The following NCOA2 variants were observed in gnomAD, a reference collection of about 807,000 sequenced individuals.
The protein encoded by NCOA2 is nuclear receptor coactivator 2, also known as class E basic helix-loop-helix protein 75.
Under a neutral mutation model 145.1 loss-of-function variants are expected in NCOA2, and 21 were observed. The observed-to-expected ratio is 0.14, with a 90% confidence interval of 0.10 to 0.21. NCOA2 has a LOEUF of 0.21. Ranked by LOEUF, NCOA2 falls within the 10% of genes least tolerant of loss-of-function variation. NCOA2 has a pLI of 1.00. For missense variants in NCOA2, 1,472 were observed against 1,837.6 expected, an observed-to-expected ratio of 0.80 and a Z score of 3.64; for synonymous variants, 619 against 637.5, an observed-to-expected ratio of 0.97 and a Z score of 0.44.
chr8:70,166,073 C>G (rs1171708973), intron 7 of NCOA2, among the ~76,000 whole-genome samples: 1 of 152,182 alleles, frequency 6.6e-6, no homozygotes, highest in Admixed American at 6.5e-5. Context: ...CCACCCGCCT[C>G]AGTCTCCCAA....
chr8:70,202,838 T>C (rs540993846), intron 4 of NCOA2, among the ~76,000 whole-genome samples: 2 of 152,316 alleles, frequency 1.3e-5, no homozygotes, highest in African/African-American at 2.4e-5. Context: ...TATGTGCTTA[T>C]TTACTACCCC....
chr8:70,320,741 AG>A (rs1319902586), intron 1 of NCOA2, among the ~76,000 whole-genome samples: 1 of 152,172 alleles, frequency 6.6e-6, no homozygotes, highest in Non-Finnish European at 1.5e-5. Context: ...GTTAAAAAAA[AG>A]GTTTTCTTGG....
Position 70,113,596 on chromosome 8 carries a change from C to T in NCOA2, c.*36G>A. 6.4e-7 allele frequency: 1 copy of T among 1,550,680 alleles called. No individual in the cohort carries two copies. The highest frequency in any genetic ancestry group is 8.7e-7 in the Non-Finnish European group (1 of 1,146,054). Reference sequence around the variant, plus strand: ...ACTGGAAGTGTTTTGAGCAAGTGAGCCCGGTCAGCTGAAGAAGCAACTGGC... The same window carrying T: ...ACTGGAAGTGTTTTGAGCAAGTGAGTCCGGTCAGCTGAAGAAGCAACTGGC... On this transcript the variant is annotated 3_prime_UTR_variant, in exon 23 of 23. Coordinates refer to ENST00000452400, the MANE Select transcript of NCOA2 (RefSeq NM_006540.4).
At chr8:70,391,497 G>A (rs529178126) in intron 1 of NCOA2, among the ~76,000 whole-genome samples, 19 of 152,316 alleles carry the variant, frequency 1.2e-4, no homozygotes, top group African/African-American at 4.6e-4. Context: ...GAAGGAACAT[G>A]CCATGAAAAG....
chr8:70,358,565 A>G (rs1271670871), intron 1 of NCOA2, among the ~76,000 whole-genome samples: 1 of 152,240 alleles, frequency 6.6e-6, no homozygotes, highest in African/African-American at 2.4e-5. Flanking sequence ...CATACAAAAA[A>G]ATGAAATTGA....
chr8:70,284,623 TA>T (rs1352545040), intron 2 of NCOA2, among the ~76,000 whole-genome samples: 1 of 152,194 alleles, frequency 6.6e-6, no homozygotes, highest in Non-Finnish European at 1.5e-5. Flanking sequence ...AATCTGTGGC[TA>T]ACTTAATGAG....
chr8:70,429,182 AG>A, the NCOA2 span, among the ~76,000 whole-genome samples: 5 of 152,248 alleles, frequency 3.3e-5, no homozygotes, highest in African/African-American at 1.2e-4. Context: ...ATACTATAAT[AG>A]GCCCCATTCT....
At chr8:70,160,830 C>T (rs1812903670) in intron 9 of NCOA2, among the ~76,000 whole-genome samples, 1 of 152,144 alleles carries the variant, frequency 6.6e-6, no homozygotes, top group South Asian at 2.1e-4. Context: ...AACTGTTGCA[C>T]AATGTTAGTC....
At chr8:70,220,395 G>A (rs1044388727) in intron 2 of NCOA2, among the ~76,000 whole-genome samples, 22 of 152,126 alleles carry the variant, frequency 1.4e-4, no homozygotes, top group Admixed American at 1.2e-3. Flanking sequence ...GTTGGGGGTT[G>A]TGAAAGGACA....
At chr8:70,289,158 C>T (rs1179906818) in intron 2 of NCOA2, among the ~76,000 whole-genome samples, 1 of 152,130 alleles carries the variant, frequency 6.6e-6, no homozygotes, top group Non-Finnish European at 1.5e-5. Context: ...TGTCTTATAA[C>T]CCAGGAAACA....
intron 9 of NCOA2, among the ~76,000 whole-genome samples, chr8:70,161,591 C>G (rs115385305): frequency 0.011 from 1,617 of 152,216 alleles, 28 homozygotes; most frequent in African/African-American, 0.036. Context: ...TATAAGTGAT[C>G]TAAAAAGTAT....
intron 1 of NCOA2, among the ~76,000 whole-genome samples, chr8:70,346,127 C>A (rs1329015542): frequency 6.6e-6 from 1 of 152,142 alleles, no homozygotes. Context: ...TTGAAGTGTA[C>A]AGAAATCTAC....
intron 2 of NCOA2, among the ~76,000 whole-genome samples, chr8:70,286,081 C>A (rs1826211670): frequency 6.6e-6 from 1 of 152,074 alleles, no homozygotes; most frequent in African/African-American, 2.4e-5. Context: ...GAAAAGTTTC[C>A]TTCTTAAATT....
intron 7 of NCOA2, among the ~76,000 whole-genome samples, chr8:70,166,321 G>A (rs1223924290): frequency 6.6e-6 from 1 of 152,238 alleles, no homozygotes; most frequent in Non-Finnish European, 1.5e-5. Flanking sequence ...AGGCTCACCA[G>A]CCACACATGG....
the NCOA2 span, among the ~76,000 whole-genome samples, chr8:70,448,357 T>C: frequency 6.6e-5 from 10 of 152,146 alleles, no homozygotes; most frequent in African/African-American, 2.2e-4. Flanking sequence ...ATGTTGAAAA[T>C]ATGTGTGTGT....
chr8:70,351,998 A>G (rs1024577428), intron 1 of NCOA2, among the ~76,000 whole-genome samples: 2 of 151,982 alleles, frequency 1.3e-5, no homozygotes, highest in African/African-American at 2.4e-5. Flanking sequence ...AAAGGAAGCA[A>G]TCTTTTACAA....
chr8:70,136,060 CAG>C (rs1201744506), intron 15 of NCOA2, among the ~76,000 whole-genome samples: 6 of 152,248 alleles, frequency 3.9e-5, no homozygotes, highest in South Asian at 2.1e-4. Flanking sequence ...ACATTTCAAA[CAG>C]GGGAAAATCA....
At chr8:70,230,487 A>G (rs1334673316) in intron 2 of NCOA2, among the ~76,000 whole-genome samples, 3 of 152,216 alleles carry the variant, frequency 2.0e-5, no homozygotes, top group Non-Finnish European at 2.9e-5. Context: ...TATCTCAAGA[A>G]AGCTATCATA....
At chr8:70,345,419 T>G (rs1244590600) in intron 1 of NCOA2, among the ~76,000 whole-genome samples, 1 of 152,224 alleles carries the variant, frequency 6.6e-6, no homozygotes, top group Admixed American at 6.5e-5. Flanking sequence ...ATGTACTATC[T>G]TCTCTCTTCA....
Sources: allele counts gnomAD v4.1 joint callset (sites outside exome capture counted in the v4.1 genomes callset), GRCh38; gene constraint gnomAD v4.1.1; transcripts MANE v1.5; gene names NCBI Gene and HGNC (gene_info 2026-07-23, HGNC 2026-07-21).